Variants in ABCA13 observed in about 807,000 individuals in gnomAD.
ABCA13 encodes ATP binding cassette subfamily A member 13.
In ABCA13, 476 loss-of-function variants were observed where a neutral mutation model predicts 478.7. The ratio of observed to expected loss-of-function variants is 0.99; its 90% CI spans 0.92 to 1.07. ABCA13 has a LOEUF of 1.07. Ranked by LOEUF, ABCA13 falls within the 50% of genes least tolerant of loss-of-function variation. The probability of loss-of-function intolerance (pLI) is 0.00; values close to 1 mark genes in which losing one functional copy is unlikely to be tolerated. For missense variants in ABCA13, 6,060 were observed against 5,910.6 expected (o/e 1.03, Z -0.83); for synonymous variants, 2,252 against 2,158.9 (o/e 1.04, Z -1.20).
chr7:48,574,754 T>A (rs1788005921), intron 55 of ABCA13, among the ~76,000 whole-genome samples: 1 of 152,206 alleles, frequency 6.6e-6, no homozygotes, highest in Admixed American at 6.5e-5. Flanking sequence ...TCATTTTATA[T>A]GTGTGACTAA....
chr7:48,283,681 C>A (rs887748872), intron 19 of ABCA13, among the ~76,000 whole-genome samples: 1 of 152,164 alleles, frequency 6.6e-6, no homozygotes, highest in Non-Finnish European at 1.5e-5. Flanking sequence ...TGTGCTGGGA[C>A]TCGTGGTCTG....
intron 42 of ABCA13, among the ~76,000 whole-genome samples, chr7:48,445,226 C>T (rs58860592): frequency 7.9e-4 from 120 of 152,272 alleles, no homozygotes; most frequent in African/African-American, 2.8e-3. Context: ...TCAGGCTGGT[C>T]TTGAACTCCT....
At chr7:48,330,867 G>A (rs1445620817) in intron 27 of ABCA13, among the ~76,000 whole-genome samples, 1 of 152,146 alleles carries the variant, frequency 6.6e-6, no homozygotes, top group Non-Finnish European at 1.5e-5. Context: ...GCTCTTATTA[G>A]TATGAAGTGC....
chr7:48,224,101 G>C (rs1258324195), intron 5 of ABCA13, among the ~76,000 whole-genome samples: 16 of 152,158 alleles, frequency 1.1e-4, no homozygotes, highest in African/African-American at 3.6e-4. Context: ...GGCCTTTGCT[G>C]TCTGTTCCCA....
chr7:48,379,675 G>A (rs1366091220), intron 35 of ABCA13, among the ~76,000 whole-genome samples: 1 of 152,076 alleles, frequency 6.6e-6, no homozygotes, highest in Non-Finnish European at 1.5e-5. Flanking sequence ...GTAGATACTA[G>A]AAGTAAAGCT....
chr7:48,400,907 C>A (rs1817512190), intron 38 of ABCA13, among the ~76,000 whole-genome samples: 1 of 152,208 alleles, frequency 6.6e-6, no homozygotes, highest in Non-Finnish European at 1.5e-5. Flanking sequence ...AGCCTCCATG[C>A]CTGGTTCTGG....
At position 48,317,194 on chromosome 7, in the gene ABCA13, A is replaced by G; in HGVS notation, c.9897A>G (p.Gln3299=). The G allele has an allele frequency of 6.2e-7, 1 of 1,613,222 alleles. No homozygotes were observed. Among genetic ancestry groups the G allele is most frequent in the Non-Finnish European group, 8.5e-7 (1 of 1,179,710 alleles). The stretch of plus-strand genomic sequence containing the variant: ...TGAAGCTTTATCAGGAAATTCTACA[A>G]TTGCCAAATGGTGCTTTGGTGTGGA... ...FCLKLYQEIL[Q]LPNGALVWTF... is the part of the protein sequence containing the mutation. Residue 3299 remains glutamine (Q), a synonymous_variant, in exon 27 of 62, where the codon CAA becomes CAG. Coordinates refer to ENST00000435803, the MANE Select transcript of ABCA13 (RefSeq NM_152701.5).
chr7:48,562,154 TTC>T (rs1786535662), intron 55 of ABCA13, among the ~76,000 whole-genome samples: 1 of 151,924 alleles, frequency 6.6e-6, no homozygotes, highest in Non-Finnish European at 1.5e-5. Flanking sequence ...TCTTCATATA[TTC>T]TCTCTTTATG....
intron 3 of ABCA13, among the ~76,000 whole-genome samples, chr7:48,204,534 T>C (rs1316580282): frequency 6.6e-6 from 1 of 152,136 alleles, no homozygotes; most frequent in East Asian, 1.9e-4. Flanking sequence ...TAAATGGCTT[T>C]CCTGACATGG....
At position 48,279,064 on chromosome 7, in the gene ABCA13, T is replaced by A. The variant is rs764189018; in HGVS notation, c.7870T>A (p.Tyr2624Asn). The change falls in exon 18 of 62, where the codon TAT becomes AAT. Residue 2624 changes from tyrosine (Y) to asparagine (N), a missense_variant. Physicochemically the swap from Tyr to Asn is moderately radical, Grantham distance 143. Around this residue, in one of 3 missense-constraint regions of ABCA13, gnomAD observed 4,423 missense variants for 4,309.1 expected, o/e 1.03. Coordinates refer to ENST00000435803, the MANE Select transcript of ABCA13 (RefSeq NM_152701.5). ...CAGTATGTCACCTAGCATACTCTCA[T>A]ATATGAACCAATCTAAGGACTTTTC... ...IFSMSPSILS[Y>N]MNQSKDFSDI... 2 of 1,612,888 alleles carry A rather than the reference T, an allele frequency of 1.2e-6. No individual in the cohort carries two copies. The highest frequency in any genetic ancestry group is 2.7e-5 in the African/African-American group (2 of 74,928).
At chr7:48,547,564 A>G (rs959526995) in intron 55 of ABCA13, among the ~76,000 whole-genome samples, 2 of 152,016 alleles carry the variant, frequency 1.3e-5, no homozygotes, top group Middle Eastern at 3.4e-3. Flanking sequence ...CCCAGAATAC[A>G]GTATGTGCAG....
chr7:48,435,192 G>A (rs1822671092), intron 42 of ABCA13, among the ~76,000 whole-genome samples: 1 of 151,702 alleles, frequency 6.6e-6, no homozygotes, highest in African/African-American at 2.4e-5. Flanking sequence ...GTAACATTTT[G>A]TAGTGTTGAG....
rs761850532 is a variant in ABCA13, at chr7:48,594,705, T to A, written c.14641-5T>A. On this transcript the variant is annotated splice_region_variant and splice_polypyrimidine_tract_variant and intron_variant, in intron 57 of 61. Coordinates refer to ENST00000435803, the MANE Select transcript of ABCA13 (RefSeq NM_152701.5). ...GCTGATTACTCTGTGTTGCCTTTCC[T>A]TCAGGATGAGCCCAGCTCTGGGATG... The A allele has an allele frequency of 1.2e-5, 19 of 1,613,452 alleles. No individual in the cohort carries two copies. In the South Asian group the frequency reaches 2.0e-4, roughly 17 times the overall value.
At chr7:48,560,523 CT>C (rs1192429034) in intron 55 of ABCA13, among the ~76,000 whole-genome samples, 1 of 152,074 alleles carries the variant, frequency 6.6e-6, no homozygotes, top group Non-Finnish European at 1.5e-5. Context: ...TATGATGGTG[CT>C]TTTTTTGTGT....
intron 5 of ABCA13, among the ~76,000 whole-genome samples, chr7:48,225,131 GCCT>G (rs1787990129): frequency 1.9e-5 from 2 of 106,666 alleles, no homozygotes; most frequent in Non-Finnish European, 4.1e-5. Flanking sequence ...CTGCCTGCCT[GCCT>G]GCCTTCCTTC....
intron 19 of ABCA13, among the ~76,000 whole-genome samples, chr7:48,285,260 C>T (rs904578179): frequency 6.6e-6 from 1 of 152,030 alleles, no homozygotes; most frequent in Admixed American, 6.6e-5. Context: ...GTCCAGAGAG[C>T]GCTGGCAGAT....
chr7:48,461,213 T>C (rs567476819), intron 43 of ABCA13, among the ~76,000 whole-genome samples: 1 of 152,340 alleles, frequency 6.6e-6, no homozygotes, highest in South Asian at 2.1e-4. Flanking sequence ...CAGCAGGCTC[T>C]TGGAAGCCTT....
At chr7:48,340,583 A>G (rs150764109) in intron 29 of ABCA13, among the ~76,000 whole-genome samples, 87 of 152,280 alleles carry the variant, frequency 5.7e-4, no homozygotes, top group African/African-American at 2.0e-3. Flanking sequence ...ATATGTACTC[A>G]TATGAAGATA....
intron 52 of ABCA13, 58 bp from the exon 53 acceptor site, chr7:48,519,983 T>C (rs1407573381): frequency 6.7e-7 from 1 of 1,495,624 alleles, no homozygotes; most frequent in Non-Finnish European, 8.9e-7. Flanking sequence ...TATTGGTATA[T>C]ATTATGAAAA....
Sources: allele counts gnomAD v4.1 joint callset (sites outside exome capture counted in the v4.1 genomes callset), GRCh38; gene constraint gnomAD v4.1.1; regional missense constraint gnomAD v4.1.1; transcripts MANE v1.5; gene names NCBI Gene and HGNC (gene_info 2026-07-23, HGNC 2026-07-21).